Variants in PEX14 observed in about 807,000 individuals in gnomAD.
PEX14 encodes the protein peroxisomal membrane protein PEX14.
PEX14 carries 15 observed loss-of-function variants against 49.5 expected under a neutral mutation model. That is an observed-to-expected ratio of 0.30 (90% confidence interval 0.20 to 0.47). The LOEUF is 0.47. PEX14 is among the 20% of genes least tolerant of loss of function. PEX14 has a pLI of 1.00. For synonymous variants in PEX14, 210 were observed against 212.7 expected, an observed-to-expected ratio of 0.99 and a Z score of 0.11; for missense variants, 398 against 494.8, an observed-to-expected ratio of 0.80 and a Z score of 1.86.
At chr1:10,582,922 C>T (rs1013384018) in intron 3 of PEX14, among the ~76,000 whole-genome samples, 15 of 151,988 alleles carry the variant, frequency 9.9e-5, no homozygotes, top group East Asian at 3.9e-4. Flanking sequence ...TTATTAGGGA[C>T]GGGGGTTTCA....
chr1:10,489,042 G>A (rs1361988209), intron 1 of PEX14, among the ~76,000 whole-genome samples: 4 of 152,056 alleles, frequency 2.6e-5, no homozygotes, highest in South Asian at 4.1e-4. Flanking sequence ...GTGCAATGGC[G>A]CGATCTCGGC....
chr1:10,618,235 G>A (rs543088303), intron 4 of PEX14, 97 bp from the exon 5 acceptor site: 70 of 855,212 alleles, frequency 8.2e-5, no homozygotes, highest in Middle Eastern at 4.4e-4. Flanking sequence ...CATTGTTGGA[G>A]GCGAGGAGAC....
At chr1:10,497,451 GC>G (rs1641589837) in intron 2 of PEX14, among the ~76,000 whole-genome samples, 1 of 152,224 alleles carries the variant, frequency 6.6e-6, no homozygotes, top group Non-Finnish European at 1.5e-5. Context: ...GCTTAGCTCA[GC>G]TCAGGCCTGA....
intron 3 of PEX14, among the ~76,000 whole-genome samples, chr1:10,559,671 G>A (rs890892680): frequency 5.3e-5 from 8 of 152,152 alleles, no homozygotes; most frequent in East Asian, 3.9e-4. Context: ...GTTTTTGGCC[G>A]AAAGAGTAAA....
intron 2 of PEX14, among the ~76,000 whole-genome samples, chr1:10,506,463 G>A (rs916688859): frequency 3.9e-5 from 6 of 152,116 alleles, no homozygotes; most frequent in Admixed American, 2.6e-4. Flanking sequence ...TATTTTTAGA[G>A]ACGAGGTTTC....
At chr1:10,590,552 TA>T (rs1205193645) in intron 3 of PEX14, among the ~76,000 whole-genome samples, 4 of 152,034 alleles carry the variant, frequency 2.6e-5, no homozygotes, top group African/African-American at 9.6e-5. Context: ...AACTGGGGGG[TA>T]GGGGTCCTAG....
rs1432902937 is a variant in PEX14 at position 10,494,296 on chromosome 1, G to C, written c.37-978G>C. Among the ~76,000 whole-genome samples, 1 of 152,184 alleles carries C rather than the reference G, an allele frequency of 6.6e-6. No individual in the cohort carries two copies. Among genetic ancestry groups the C allele is most frequent in the African/African-American group, 2.4e-5 (1 of 41,458 alleles). ...GCGGCCTGGCACTTCCATCTGATCT[G>C]TAATAGCCGGGAGAATGGAGGCTGC... On this transcript the variant is annotated intron_variant, in intron 1 of 8. Transcript: ENST00000356607. The surrounding 1 kb of genome is among the most constrained non-coding windows in gnomAD (Gnocchi z 4.3).
chr1:10,605,932 A>T (rs577025655), intron 4 of PEX14, among the ~76,000 whole-genome samples: 1 of 152,224 alleles, frequency 6.6e-6, no homozygotes, highest in Non-Finnish European at 1.5e-5. Flanking sequence ...ATGGGGGCTG[A>T]ATAAATGCCA....
intron 5 of PEX14, among the ~76,000 whole-genome samples, chr1:10,620,413 G>A (rs1411821514): frequency 2.6e-5 from 4 of 152,096 alleles, no homozygotes; most frequent in South Asian, 2.1e-4. Flanking sequence ...ACTTGGGCTC[G>A]GGAGGTGGAG....
intron 3 of PEX14, among the ~76,000 whole-genome samples, chr1:10,549,571 G>C (rs1364292883): frequency 6.6e-6 from 1 of 152,076 alleles, no homozygotes; most frequent in Non-Finnish European, 1.5e-5. Flanking sequence ...CTCTCCTTTA[G>C]GCAGTCCTGA....
chr1:10,508,330 C>A (rs1641823515), intron 2 of PEX14, among the ~76,000 whole-genome samples: 1 of 152,150 alleles, frequency 6.6e-6, no homozygotes, highest in African/African-American at 2.4e-5. Context: ...CCTCAGCCTC[C>A]CGAGTAGCTG....
At chr1:10,556,096 C>T (rs949833925) in intron 3 of PEX14, among the ~76,000 whole-genome samples, 8 of 152,154 alleles carry the variant, frequency 5.3e-5, no homozygotes, top group Non-Finnish European at 8.8e-5. Flanking sequence ...CCGCCTTCTG[C>T]AGGCACCGTC....
chr1:10,509,919 C>T (rs941192463), intron 2 of PEX14, among the ~76,000 whole-genome samples: 4 of 152,234 alleles, frequency 2.6e-5, no homozygotes, highest in Non-Finnish European at 2.9e-5. Flanking sequence ...CCATTACTTA[C>T]TCATTACTAA....
At chr1:10,481,117 C>CTTT (rs577625301) in intron 1 of PEX14, among the ~76,000 whole-genome samples, 3 of 141,326 alleles carry the variant, frequency 2.1e-5, no homozygotes, top group African/African-American at 7.8e-5. Flanking sequence ...TCTCTTTAGT[C>CTTT]TTTTTTTTTT....
intron 2 of PEX14, among the ~76,000 whole-genome samples, chr1:10,532,543 C>G (rs1638679618): frequency 6.6e-6 from 1 of 152,200 alleles, no homozygotes; most frequent in Non-Finnish European, 1.5e-5. Context: ...ATATTTATCA[C>G]AGGCTCACCA....
At chr1:10,499,669 G>T (rs980245280) in intron 2 of PEX14, among the ~76,000 whole-genome samples, 3 of 151,974 alleles carry the variant, frequency 2.0e-5, no homozygotes, top group Admixed American at 6.6e-5. Context: ...GGATGGTCTG[G>T]ATCTCCTGAC....
Position 10,624,341 on chromosome 1 carries a change from G to A in PEX14, c.489G>A (p.Val163=). 1.2e-6 allele frequency: 2 copies of A among 1,606,940 alleles called. No homozygotes were observed. The highest frequency in any genetic ancestry group is 1.1e-5 in the South Asian group (1 of 90,896). The change falls in exon 7 of 9, where the codon GTG becomes GTA. Residue 163 remains valine, a splice_region_variant and synonymous_variant. Transcript: ENST00000356607. ...SELSGSVAQT[V]TQLQTTLASV... ...GCCGTGACTGCTTTCTCCTCGCAGTGACTCAGTTACAGACGACCCTCGCCT... is the reference window on the plus strand; with the variant it reads ...GCCGTGACTGCTTTCTCCTCGCAGTAACTCAGTTACAGACGACCCTCGCCT...
At chr1:10,564,620 A>T (rs1282411644) in intron 3 of PEX14, among the ~76,000 whole-genome samples, 1 of 142,102 alleles carries the variant, frequency 7.0e-6, no homozygotes, top group African/African-American at 2.7e-5. Context: ...TTTTGTAGAG[A>T]CAGGGCCTTG....
chr1:10,522,584 G>A (rs1638334836), intron 2 of PEX14, among the ~76,000 whole-genome samples: 1 of 152,206 alleles, frequency 6.6e-6, no homozygotes, highest in East Asian at 1.9e-4. Flanking sequence ...AGCACAAACA[G>A]CATCTTTCCT....
Sources: gnomAD v4.1 joint callset for allele counts (sites outside exome capture counted in the v4.1 genomes callset) on GRCh38, gnomAD v4.1.1 for gene constraint, Gnocchi (gnomAD v3.1) non-coding constraint, MANE v1.5 for transcripts, NCBI Gene and HGNC (gene_info 2026-07-23, HGNC 2026-07-21) for gene names.